TENM2: variants seen among roughly 807,000 people sequenced by gnomAD.
TENM2 encodes teneurin transmembrane protein 2.
Under a neutral mutation model 245.2 loss-of-function variants are expected in TENM2, and 52 were observed. That is an observed-to-expected ratio of 0.21 (90% CI 0.17 to 0.27). The LOEUF is 0.27. Ranked by LOEUF, TENM2 falls within the 10% of genes least tolerant of loss-of-function variation. The probability of loss-of-function intolerance (pLI) is 1.00; values close to 1 mark genes in which losing one functional copy is unlikely to be tolerated. For missense variants in TENM2, 3,046 were observed against 3,666.8 expected (o/e 0.83, Z 4.37); for synonymous variants, 1,363 against 1,438.9 (o/e 0.95, Z 1.19).
At chr5:167,436,899 GA>G (rs1197002954) in intron 2 of TENM2, among the ~76,000 whole-genome samples, 1 of 152,030 alleles carries the variant, frequency 6.6e-6, no homozygotes, top group Non-Finnish European at 1.5e-5. Flanking sequence ...CTACATTTCA[GA>G]AGATGTATGG....
At chr5:167,082,933 C>A in the TENM2 span, among the ~76,000 whole-genome samples, 1 of 150,980 alleles carries the variant, frequency 6.6e-6, no homozygotes, top group African/African-American at 2.4e-5. Context: ...AGGAATAATG[C>A]CAGTATTATT....
At chr5:167,355,246 CTT>C (rs1759234251) in intron 1 of TENM2, among the ~76,000 whole-genome samples, 1 of 152,110 alleles carries the variant, frequency 6.6e-6, no homozygotes, top group Non-Finnish European at 1.5e-5. Flanking sequence ...CTTGGGGAGA[CTT>C]AAGTACAAAG....
intron 3 of TENM2, among the ~76,000 whole-genome samples, chr5:167,945,230 C>G (rs1779514645): frequency 6.6e-6 from 1 of 152,078 alleles, no homozygotes; most frequent in Non-Finnish European, 1.5e-5. Flanking sequence ...CACTCATGAT[C>G]TAGTGGAGAG....
intron 23 of TENM2, among the ~76,000 whole-genome samples, chr5:168,219,327 G>T (rs1763465557): frequency 6.6e-6 from 1 of 152,156 alleles, no homozygotes; most frequent in African/African-American, 2.4e-5. Flanking sequence ...TTTGCCATGG[G>T]TGCGGAAATT....
At chr5:167,512,331 G>A (rs1033851213) in intron 2 of TENM2, among the ~76,000 whole-genome samples, 2 of 152,190 alleles carry the variant, frequency 1.3e-5, no homozygotes, top group African/African-American at 4.8e-5. Context: ...CCACACAGCT[G>A]TTAATGGGTA....
chr5:166,982,808 A>G, the TENM2 span, among the ~76,000 whole-genome samples: 2 of 151,708 alleles, frequency 1.3e-5, no homozygotes, highest in African/African-American at 4.8e-5. Context: ...GGGAGGAGAC[A>G]TGTCTTTTGA....
rs145622660 is a variant in TENM2, at chr5:167,676,929, C to T, written c.503-199057C>T. Reference sequence around the variant, plus strand: ...CTAATTGAACTATATGAGGACAGTGCACCTGAAAATGACCTCCTGAAGTCA... The same window carrying T: ...CTAATTGAACTATATGAGGACAGTGTACCTGAAAATGACCTCCTGAAGTCA... On this transcript the variant is annotated intron_variant, in intron 2 of 28. Coordinates refer to ENST00000518659, the Ensembl canonical transcript of TENM2. Among the ~76,000 whole-genome samples the T allele has an allele frequency of 4.0e-3, 608 of 152,156 alleles. 5 individuals are homozygous for T. Among genetic ancestry groups the T allele is most frequent in the Middle Eastern group, 0.017 (5 of 294 alleles).
intron 2 of TENM2, among the ~76,000 whole-genome samples, chr5:167,455,816 A>G (rs1013113315): frequency 2.0e-5 from 3 of 152,094 alleles, no homozygotes; most frequent in Non-Finnish European, 4.4e-5. Context: ...ACCTTTTTTC[A>G]AAAGACACCC....
intron 2 of TENM2, among the ~76,000 whole-genome samples, chr5:167,642,787 A>G (rs533132798): frequency 6.6e-6 from 1 of 152,338 alleles, no homozygotes; most frequent in African/African-American, 2.4e-5. Flanking sequence ...ACTAATCTTG[A>G]TATCATTTGC....
In TENM2 at chr5:167,500,044, T is replaced by G. The variant is rs199865778; in HGVS notation, c.502+124571T>G. ...TATGTGAGGGTGTGTGTGTGTGTGT[T>G]TGTACATATATATGAGGGTGTGTGT... On this transcript the variant is annotated intron_variant, in intron 2 of 28. Transcript: ENST00000518659. Among the ~76,000 whole-genome samples, 14 of 119,578 alleles carry G rather than the reference T, an allele frequency of 1.2e-4. No individual in the cohort carries two copies. In the East Asian group the frequency reaches 3.2e-3, roughly 28 times the overall value. The allele number at this position is 119,578 out of a possible 152,430, so 78.4% of individuals were successfully genotyped here. A position where few individuals can be genotyped will look rare whatever the true frequency, so the allele number is the denominator to read the frequency against.
chr5:167,206,879 A>G, the TENM2 span, among the ~76,000 whole-genome samples: 1 of 152,194 alleles, frequency 6.6e-6, no homozygotes, highest in Non-Finnish European at 1.5e-5. Flanking sequence ...GCCATATCAA[A>G]TAAATAAATA....
chr5:167,406,506 C>G (rs1487251921), intron 2 of TENM2, among the ~76,000 whole-genome samples: 1 of 152,060 alleles, frequency 6.6e-6, no homozygotes, highest in South Asian at 2.1e-4. Context: ...AGAAAATCAC[C>G]AGCTTTACTT....
chr5:167,269,128 CGTCACAAAATTT>C, the TENM2 span, among the ~76,000 whole-genome samples: 1 of 151,908 alleles, frequency 6.6e-6, no homozygotes, highest in African/African-American at 2.4e-5. Flanking sequence ...GAAGAAAATA[CGTCACAAAATTT>C]GTATGAAAAT....
the TENM2 span, among the ~76,000 whole-genome samples, chr5:167,043,332 A>G: frequency 6.6e-6 from 1 of 152,232 alleles, no homozygotes; most frequent in Non-Finnish European, 1.5e-5. Context: ...TGTAAATGCT[A>G]AAATCAACAT....
intron 2 of TENM2, among the ~76,000 whole-genome samples, chr5:167,792,649 G>T (rs1765059617): frequency 1.3e-5 from 2 of 151,316 alleles, no homozygotes; most frequent in Non-Finnish European, 2.9e-5. Flanking sequence ...GTTTCACACA[G>T]TAGAACATAA....
At chr5:167,843,168 G>A (rs575852023) in intron 2 of TENM2, among the ~76,000 whole-genome samples, 5 of 152,174 alleles carry the variant, frequency 3.3e-5, no homozygotes, top group Admixed American at 6.6e-5. Context: ...GACTGCATCA[G>A]TAGTGACTTC....
At chr5:168,013,756 C>CA (rs2152082993) in intron 5 of TENM2, among the ~76,000 whole-genome samples, 1 of 152,320 alleles carries the variant, frequency 6.6e-6, no homozygotes, top group East Asian at 1.9e-4. Flanking sequence ...GCTGCCATAT[C>CA]AAGGGACCAC....
intron 23 of TENM2, among the ~76,000 whole-genome samples, chr5:168,219,418 T>C (rs1379345436): frequency 1.3e-5 from 2 of 152,200 alleles, no homozygotes; most frequent in Admixed American, 6.5e-5. Context: ...CACAGACAGG[T>C]AGATAAACTC....
At chr5:167,156,623 G>C in the TENM2 span, among the ~76,000 whole-genome samples, 1 of 152,138 alleles carries the variant, frequency 6.6e-6, no homozygotes. Context: ...CCCTCGTGCT[G>C]CTGTGAATGG....
Sources: gnomAD v4.1 joint callset for allele counts (sites outside exome capture counted in the v4.1 genomes callset) on GRCh38, gnomAD v4.1.1 for gene constraint, MANE v1.5 for transcripts, NCBI Gene and HGNC (gene_info 2026-07-23, HGNC 2026-07-21) for gene names.